Variants in SDK1 observed in about 807,000 individuals in gnomAD.
SDK1 encodes the protein protein sidekick-1.
SDK1 carries 157 observed loss-of-function variants against 245.5 expected under a neutral mutation model. The ratio of observed to expected loss-of-function variants is 0.64; its 90% CI spans 0.56 to 0.73. The LOEUF (loss-of-function observed/expected upper bound fraction) is 0.73. Ranked by LOEUF, SDK1 falls within the 30% of genes least tolerant of loss-of-function variation. The pLI is 0.00. For synonymous variants in SDK1, 1,647 were observed against 1,278.5 expected (o/e 1.29, Z -6.15); for missense variants, 3,583 against 3,002.3 (o/e 1.19, Z -4.52).
At chr7:3,540,057 C>T (rs374877798) in intron 1 of SDK1, among the ~76,000 whole-genome samples, 1 of 152,218 alleles carries the variant, frequency 6.6e-6, no homozygotes, top group Non-Finnish European at 1.5e-5. Context: ...AAAAAAAACA[C>T]ATATGTGGAT....
In SDK1 at chr7:4,108,016, A is replaced by G. The variant is rs1251184694; in HGVS notation, c.3325-2647A>G. Among the ~76,000 whole-genome samples the G allele has an allele frequency of 7.9e-5, 12 of 152,324 alleles. No individual in the cohort carries two copies. The East Asian group carries it at 1.5e-3, about 20-fold the overall frequency. ...GTGGGCCCATTTATGCATCAGCTGCATAGATAAATATCGCACGGCTCCTCT... is the reference window on the plus strand; with the variant it reads ...GTGGGCCCATTTATGCATCAGCTGCGTAGATAAATATCGCACGGCTCCTCT... On this transcript the variant is annotated intron_variant, in intron 22 of 44. Transcript: ENST00000404826.
At chr7:3,537,678 C>T (rs1405110090) in intron 1 of SDK1, among the ~76,000 whole-genome samples, 3 of 152,252 alleles carry the variant, frequency 2.0e-5, no homozygotes, top group South Asian at 4.1e-4. Flanking sequence ...CTGACTGCGC[C>T]CTGGATGTGG....
At chr7:4,204,195 A>G (rs1414597544) in intron 35 of SDK1, among the ~76,000 whole-genome samples, 2 of 152,256 alleles carry the variant, frequency 1.3e-5, no homozygotes, top group Admixed American at 6.5e-5. Flanking sequence ...TAATTTTGCA[A>G]TGGAGTTGCC....
chr7:4,203,084 T>A (rs1783983440), intron 35 of SDK1, among the ~76,000 whole-genome samples: 1 of 152,226 alleles, frequency 6.6e-6, no homozygotes, highest in African/African-American at 2.4e-5. Context: ...TGCTGCCGTT[T>A]GGGGCTTGGC....
intron 41 of SDK1, 128 bp from the exon 42 acceptor site, chr7:4,237,519 T>C (rs1461291479): frequency 9.8e-7 from 1 of 1,025,268 alleles, no homozygotes; most frequent in East Asian, 2.4e-5. Context: ...GGCTGGACAT[T>C]GGTTTCATCT....
At chr7:4,109,163 G>C (rs1783156050) in intron 22 of SDK1, among the ~76,000 whole-genome samples, 1 of 152,204 alleles carries the variant, frequency 6.6e-6, no homozygotes, top group Non-Finnish European at 1.5e-5. Context: ...CCTGTTGTCT[G>C]TTCTCTTGGG....
chr7:3,487,183 G>C (rs1247166726), intron 1 of SDK1, among the ~76,000 whole-genome samples: 1 of 152,076 alleles, frequency 6.6e-6, no homozygotes, highest in Non-Finnish European at 1.5e-5. Context: ...GCCAGCTCCT[G>C]GTCAGCATAA....
chr7:3,675,082 C>T (rs1783849849), intron 4 of SDK1, among the ~76,000 whole-genome samples: 1 of 152,174 alleles, frequency 6.6e-6, no homozygotes, highest in African/African-American at 2.4e-5. Flanking sequence ...GCCCGTGAGC[C>T]ATCTCCACGT....
intron 4 of SDK1, among the ~76,000 whole-genome samples, chr7:3,656,846 C>G (rs1196923416): frequency 6.6e-6 from 1 of 151,556 alleles, no homozygotes; most frequent in African/African-American, 2.4e-5. Flanking sequence ...CTCCCGGGTT[C>G]ACACCATTCT....
intron 35 of SDK1, among the ~76,000 whole-genome samples, chr7:4,202,830 C>G (rs1040548519): frequency 1.3e-5 from 2 of 152,192 alleles, no homozygotes; most frequent in Non-Finnish European, 2.9e-5. Flanking sequence ...AGCAGAGGTT[C>G]CTAAACCCTG....
chr7:3,352,994 G>C (rs918046337), intron 1 of SDK1, among the ~76,000 whole-genome samples: 2 of 152,142 alleles, frequency 1.3e-5, no homozygotes, highest in African/African-American at 2.4e-5. Context: ...GGGAAAACAA[G>C]ACATAAAGGG....
chr7:3,506,433 T>C (rs914749250), intron 1 of SDK1, among the ~76,000 whole-genome samples: 1 of 152,156 alleles, frequency 6.6e-6, no homozygotes, highest in African/African-American at 2.4e-5. Flanking sequence ...TTCTTTGTTA[T>C]TATTCTCTTT....
At chr7:3,778,664 A>C (rs905882723) in intron 4 of SDK1, among the ~76,000 whole-genome samples, 1 of 152,266 alleles carries the variant, frequency 6.6e-6, no homozygotes, top group Non-Finnish European at 1.5e-5. Context: ...TCAAACGTGA[A>C]TCCACCATGT....
chr7:3,485,583 C>A (rs1203443821), intron 1 of SDK1, among the ~76,000 whole-genome samples: 1 of 151,280 alleles, frequency 6.6e-6, no homozygotes, highest in Non-Finnish European at 1.5e-5. Context: ...AAAACCAGGT[C>A]CTGTCATCTC....
At chr7:3,804,059 C>T (rs893916896) in intron 4 of SDK1, among the ~76,000 whole-genome samples, 2 of 152,168 alleles carry the variant, frequency 1.3e-5, no homozygotes, top group Non-Finnish European at 2.9e-5. Flanking sequence ...CCACCCTGCC[C>T]AGCAATATTT....
At chr7:3,775,439 T>A (rs187529984) in intron 4 of SDK1, among the ~76,000 whole-genome samples, 1 of 152,136 alleles carries the variant, frequency 6.6e-6, no homozygotes, top group African/African-American at 2.4e-5. Flanking sequence ...TTATTTTTTT[T>A]TTTCTATTTG....
At chr7:3,313,847 T>C (rs1354009081) in intron 1 of SDK1, among the ~76,000 whole-genome samples, 4 of 152,244 alleles carry the variant, frequency 2.6e-5, no homozygotes, top group Non-Finnish European at 5.9e-5. Flanking sequence ...GTAATACATA[T>C]AATTAGCTCT....
chr7:3,901,425 A>C (rs1177210746), intron 5 of SDK1, among the ~76,000 whole-genome samples: 1 of 152,028 alleles, frequency 6.6e-6, no homozygotes, highest in Non-Finnish European at 1.5e-5. Context: ...TGACCTTGTA[A>C]TCTGCCTGCC....
intron 22 of SDK1, among the ~76,000 whole-genome samples, chr7:4,100,495 AC>A (rs1782462166): frequency 6.6e-6 from 1 of 151,624 alleles, no homozygotes; most frequent in South Asian, 2.1e-4. Flanking sequence ...TGAAATCCTC[AC>A]CCCCAAGGCG....
Sources: allele counts gnomAD v4.1 joint callset (sites outside exome capture counted in the v4.1 genomes callset), GRCh38; gene constraint gnomAD v4.1.1; transcripts MANE v1.5; gene names NCBI Gene and HGNC (gene_info 2026-07-23, HGNC 2026-07-21).